The following GASK1A variants were observed in gnomAD, a reference collection of about 807,000 sequenced individuals.
GASK1A encodes Golgi-associated kinase 1A.
Under a neutral mutation model 41.2 loss-of-function variants are expected in GASK1A, and 40 were observed. That is an observed-to-expected ratio of 0.97 (90% CI 0.75 to 1.27). The LOEUF (loss-of-function observed/expected upper bound fraction) is 1.27. GASK1A is among the 50% of genes most tolerant of loss of function. GASK1A has a pLI of 0.00. For synonymous variants in GASK1A, 316 were observed against 307.1 expected (o/e 1.03, Z -0.30); for missense variants, 678 against 745.1 (o/e 0.91, Z 1.05).
intron 1 of GASK1A, among the ~76,000 whole-genome samples, chr3:43,005,706 G>C (rs559629359): frequency 1.3e-5 from 2 of 152,298 alleles, no homozygotes; most frequent in South Asian, 4.1e-4. Flanking sequence ...AAAATCGTAG[G>C]CTGGGGTTGC....
chr3:43,053,621 A>G lies in GASK1A; in HGVS notation c.1391A>G (p.Glu464Gly). The change falls in exon 3 of 5, where the codon GAG becomes GGG. Residue 464 changes from glutamate (E) to glycine (G), a missense_variant. Glu to Gly is a moderately conservative substitution (Grantham distance 98). Transcript: ENST00000430121. Reference sequence around the variant, plus strand: ...CGAGAGAAATGCCAGAACCCAGCCGAGCTGCGGCTGGTCCACATCCTGGTA... The same window carrying G: ...CGAGAGAAATGCCAGAACCCAGCCGGGCTGCGGCTGGTCCACATCCTGGTA... Reference protein sequence around the residue: ...RLREKCQNPAELRLVHILVRS... With the variant: ...RLREKCQNPAGLRLVHILVRS... 4 of 1,551,650 alleles carry G rather than the reference A, an allele frequency of 2.6e-6. No homozygotes were observed. The highest frequency in any genetic ancestry group is 3.5e-6 in the Non-Finnish European group (4 of 1,146,968).
At chr3:43,038,153 T>C (rs865872599) in intron 2 of GASK1A, among the ~76,000 whole-genome samples, 1 of 152,288 alleles carries the variant, frequency 6.6e-6, no homozygotes, top group Middle Eastern at 3.4e-3. Context: ...GTTCTGAAAC[T>C]TTTCGTGACT....
chr3:42,990,965 C>T (rs973499934), intron 1 of GASK1A, among the ~76,000 whole-genome samples: 11 of 151,886 alleles, frequency 7.2e-5, no homozygotes, highest in African/African-American at 1.7e-4. Context: ...ATGATGGGTG[C>T]GGTTATCTCA....
At chr3:43,043,465 G>A (rs1209274986) in intron 2 of GASK1A, among the ~76,000 whole-genome samples, 1 of 152,228 alleles carries the variant, frequency 6.6e-6, no homozygotes, top group African/African-American at 2.4e-5. Context: ...CTGGCAACCA[G>A]TCATGCACTT....
rs1391712901 is a variant in GASK1A at position 43,027,598 on chromosome 3, A to G, written c.4-4669A>G. Among the ~76,000 whole-genome samples, 8 of 152,156 alleles carry G rather than the reference A, an allele frequency of 5.3e-5. No individual in the cohort carries two copies. In the East Asian group the frequency reaches 7.7e-4, roughly 15 times the overall value. ...AGGAGGGGGAAGAGGAAATAATTTT[A>G]ATATTGTTCTTTTTAGGGGATTAAG... is the stretch of plus-strand genomic sequence containing the variant. On this transcript the variant is annotated intron_variant, in intron 1 of 4. Transcript: ENST00000430121.
rs1373949652 is a variant in GASK1A, at chr3:42,983,131, T to C, written c.3+3486T>C. On this transcript the variant is annotated intron_variant, in intron 1 of 4. Coordinates refer to ENST00000430121, the MANE Select transcript of GASK1A (RefSeq NM_001129908.3). ...GAGTGGCAGAGGAAAGGCCTGGGGT[T>C]TGCAGTCAGAATGGGGTTTGTGCTG... Among the ~76,000 whole-genome samples the C allele has an allele frequency of 2.0e-5, 3 of 152,118 alleles. No homozygotes were observed. In the East Asian group the frequency reaches 5.8e-4, roughly 29 times the overall value.
chr3:42,987,887 T>C (rs2089320473), intron 1 of GASK1A, among the ~76,000 whole-genome samples: 1 of 150,642 alleles, frequency 6.6e-6, no homozygotes, highest in African/African-American at 2.4e-5. Context: ...TAGTCCCAGC[T>C]GCTTGGGAGG....
At chr3:43,035,486 G>A (rs2089599884) in intron 2 of GASK1A, among the ~76,000 whole-genome samples, 1 of 152,168 alleles carries the variant, frequency 6.6e-6, no homozygotes, top group South Asian at 2.1e-4. Context: ...TGCCCTGTAT[G>A]CGTATTCTAC....
chr3:43,019,989 A>T (rs2089513356), intron 1 of GASK1A, among the ~76,000 whole-genome samples: 1 of 151,900 alleles, frequency 6.6e-6, no homozygotes, highest in African/African-American at 2.4e-5. Flanking sequence ...TCCTTTTTTG[A>T]TGTCTGGTAG....
intron 2 of GASK1A, among the ~76,000 whole-genome samples, chr3:43,035,729 C>T (rs578026859): frequency 1.5e-4 from 23 of 152,156 alleles, no homozygotes; most frequent in Middle Eastern, 3.4e-3. Flanking sequence ...CAGTGCCTGG[C>T]GGGTGGCACA....
rs75584359 is a variant in GASK1A, at chr3:42,989,361, G to C, written c.3+9716G>C. On this transcript the variant is annotated intron_variant, in intron 1 of 4. Coordinates refer to ENST00000430121, the MANE Select transcript of GASK1A (RefSeq NM_001129908.3). ...CTAGGTGTCCCATTCTGTCTGTCTG[G>C]ACTTCCCTTTTAGGGTTCAGAATGC... is the stretch of plus-strand genomic sequence containing the variant. 2.3e-3 allele frequency among the ~76,000 whole-genome samples: 356 copies of C among 152,240 alleles called. 5 individuals carry two copies. The East Asian group carries it at 0.043, about 19-fold the overall frequency.
chr3:43,001,968 A>C (rs2089411747), intron 1 of GASK1A, among the ~76,000 whole-genome samples: 1 of 152,100 alleles, frequency 6.6e-6, no homozygotes, highest in Admixed American at 6.5e-5. Context: ...TGCCCTTTCT[A>C]CTGTCACGTA....
At chr3:43,003,124 C>T (rs1028795957) in intron 1 of GASK1A, among the ~76,000 whole-genome samples, 2 of 152,206 alleles carry the variant, frequency 1.3e-5, no homozygotes, top group African/African-American at 4.8e-5. Context: ...TTTACTTGGT[C>T]CCATAATCCC....
Position 43,053,570 on chromosome 3 carries a change from C to T in GASK1A, c.1340C>T (p.Ser447Leu). 2 of 1,551,722 alleles carry T rather than the reference C, an allele frequency of 1.3e-6. No homozygotes were observed. The highest frequency in any genetic ancestry group is 1.4e-5 in the African/African-American group (1 of 73,174). ...RYCCGFEPEP[S>L]DPCVEERLRE... ...TGCTGTGGCTTCGAGCCTGAGCCCT[C>T]AGACCCCTGTGTGGAAGAGAGGCTC... The change falls in exon 3 of 5, where the codon TCA becomes TTA. Residue 447 changes from serine (S) to leucine (L), a missense_variant. Coordinates refer to ENST00000430121, the MANE Select transcript of GASK1A (RefSeq NM_001129908.3).
chr3:43,034,023 A>G (rs1185525848), intron 2 of GASK1A, among the ~76,000 whole-genome samples: 1 of 152,272 alleles, frequency 6.6e-6, no homozygotes. Flanking sequence ...CAGGGTGTGA[A>G]TATCTGTTTA....
At chr3:43,053,864 G>A (rs758145867) in intron 3 of GASK1A, 19 of 659,964 alleles carry the variant, frequency 2.9e-5, no homozygotes, top group Admixed American at 6.3e-5. Flanking sequence ...GGGGTGTGGG[G>A]TGGGGGCTGG....
intron 1 of GASK1A, among the ~76,000 whole-genome samples, chr3:42,981,516 C>A (rs1320496856): frequency 6.6e-6 from 1 of 152,166 alleles, no homozygotes; most frequent in East Asian, 1.9e-4. Context: ...TAGTGTTGAG[C>A]TGTGCTTAGC....
intron 1 of GASK1A, among the ~76,000 whole-genome samples, chr3:42,998,792 GAT>G (rs767617580): frequency 1.1e-4 from 16 of 152,302 alleles, no homozygotes; most frequent in Middle Eastern, 3.4e-3. Context: ...CAGTTCACCT[GAT>G]ATCACTTCTC....
Position 42,979,335 on chromosome 3 carries a change from C to G in GASK1A, c.-308C>G, listed in dbSNP as rs1011984949. ...GACTTTGCAAACTCTGCAAAAGTCC[C>G]GAGTAGACCGCAGAGGCTCGCGGCC... On this transcript the variant is annotated 5_prime_UTR_variant, in exon 1 of 5. Transcript: ENST00000430121. 5 of 354,474 alleles carry G rather than the reference C, an allele frequency of 1.4e-5. No individual in the cohort carries two copies. The highest frequency in any genetic ancestry group is 2.5e-5 in the Non-Finnish European group (5 of 198,330). The allele number at this position is 354,474 out of a possible 1,614,324, so 22.0% of individuals were successfully genotyped here.
Sources: gnomAD v4.1 joint callset for allele counts (sites outside exome capture counted in the v4.1 genomes callset) on GRCh38, gnomAD v4.1.1 for gene constraint, MANE v1.5 for transcripts, NCBI Gene and HGNC (gene_info 2026-07-23, HGNC 2026-07-21) for gene names.